Variants in GLI2 observed in about 807,000 individuals in gnomAD.
GLI2 encodes transcription activator GLI2.
GLI2 carries 22 observed loss-of-function variants against 78.9 expected under a neutral mutation model. That is an observed-to-expected ratio of 0.28 (90% CI 0.20 to 0.40). The LOEUF (loss-of-function observed/expected upper bound fraction) is 0.40. Among genes scored for constraint, GLI2 ranks in the 10% least tolerant of loss-of-function variants. The pLI, the probability that GLI2 is intolerant of heterozygous loss-of-function variation, is 1.00. For synonymous variants in GLI2, 974 were observed against 963.7 expected (o/e 1.01, Z -0.20); for missense variants, 2,097 against 2,213.2 (o/e 0.95, Z 1.05).
At position 120,772,182 on chromosome 2, in the gene GLI2, G is replaced by T. The variant is rs79157598; in HGVS notation, c.-30-25109G>T. Reference sequence around the variant, plus strand: ...GGCTGCTGGGAGAAGCACTGTGATTGATTAGCAATGCCTGCCTTGGACCAG... The same window carrying T: ...GGCTGCTGGGAGAAGCACTGTGATTTATTAGCAATGCCTGCCTTGGACCAG... On this transcript the variant is annotated intron_variant, in intron 1 of 13. Transcript: ENST00000361492. Among the ~76,000 whole-genome samples, 507 of 152,240 alleles carry T rather than the reference G, an allele frequency of 3.3e-3. 24 individuals carry two copies. The East Asian group carries it at 0.074, about 22-fold the overall frequency.
rs1192171412 is a variant in GLI2 at position 120,962,152 on chromosome 2, G to T, written c.644-6562G>T. Among the ~76,000 whole-genome samples, 3 of 152,190 alleles carry T rather than the reference G, an allele frequency of 2.0e-5. No individual in the cohort carries two copies. The East Asian group carries it at 5.8e-4, about 29-fold the overall frequency. On this transcript the variant is annotated intron_variant, in intron 5 of 13. Transcript: ENST00000361492. Reference sequence around the variant, plus strand: ...CTTCTGCATGAGACAACCAGTGATTGGCTCAAAGCTACCCAGTTCAGAGTG... The same window carrying T: ...CTTCTGCATGAGACAACCAGTGATTTGCTCAAAGCTACCCAGTTCAGAGTG...
chr2:120,869,128 G>T (rs1483383999), intron 2 of GLI2, among the ~76,000 whole-genome samples: 1 of 151,924 alleles, frequency 6.6e-6, no homozygotes, highest in Non-Finnish European at 1.5e-5. Context: ...GGTCACAGAG[G>T]AGACCATTTC....
rs767164238 is a variant in GLI2 at position 120,988,475 on chromosome 2, C to A, written c.2510C>A (p.Ser837Tyr). ...CCGCACAACGCGAGCTCCGCTGACT[C>A]CTACGACCCCATCTCCACGGACGCG... Reference protein sequence around the residue: ...GRPHNASSADSYDPISTDASR... With the variant: ...GRPHNASSADYYDPISTDASR... The change falls in exon 14 of 14, where the codon TCC becomes TAC. Residue 837 changes from serine to tyrosine, a missense_variant. Around this residue, in one of 5 missense-constraint regions of GLI2, gnomAD observed 1,290 missense variants for 1,261.7 expected, o/e 1.02. Coordinates refer to ENST00000361492, the MANE Select transcript of GLI2 (RefSeq NM_001374353.1). 3.8e-6 allele frequency: 6 copies of A among 1,561,696 alleles called. No homozygotes were observed. The South Asian group carries it at 7.0e-5, about 18-fold the overall frequency.
In GLI2 at chr2:120,800,075, G is replaced by T. The variant is rs1684622335; in HGVS notation, c.148+2607G>T. Among the ~76,000 whole-genome samples, 1 of 152,200 alleles carries T rather than the reference G, an allele frequency of 6.6e-6. No individual in the cohort carries two copies. Among genetic ancestry groups the T allele is most frequent in the African/African-American group, 2.4e-5 (1 of 41,438 alleles). On this transcript the variant is annotated intron_variant, in intron 2 of 13. Coordinates refer to ENST00000361492, the MANE Select transcript of GLI2 (RefSeq NM_001374353.1). The surrounding 1 kb of genome is among the most constrained non-coding windows in gnomAD (Gnocchi z 4.1). ...AAGTCTTCATGGGCCAGAAGCGTTT[G>T]CTGCAGCCACTGAGGAGTTGGGCAC...
intron 2 of GLI2, among the ~76,000 whole-genome samples, chr2:120,909,103 G>A (rs1663357664): frequency 6.6e-6 from 1 of 152,152 alleles, no homozygotes; most frequent in African/African-American, 2.4e-5. Flanking sequence ...GCCACCAGAA[G>A]CCATAGGATT....
intron 8 of GLI2, 96 bp downstream of exon 8, chr2:120,972,159 T>TGGCTG (rs1682216037): frequency 7.2e-7 from 1 of 1,392,128 alleles, no homozygotes; most frequent in Non-Finnish European, 1.0e-6. Flanking sequence ...GATGGCTGGC[T>TGGCTG]GGCTGCCTGC....
chr2:120,908,256 G>A (rs1478957262), intron 2 of GLI2, among the ~76,000 whole-genome samples: 1 of 152,212 alleles, frequency 6.6e-6, no homozygotes, highest in African/African-American at 2.4e-5. Flanking sequence ...CCTGAGTGGG[G>A]CTGGCCATTG....
intron 2 of GLI2, among the ~76,000 whole-genome samples, chr2:120,856,369 C>G (rs1687644054): frequency 6.6e-6 from 1 of 152,190 alleles, no homozygotes; most frequent in African/African-American, 2.4e-5. Flanking sequence ...CCTTCTAGCT[C>G]CTTCCTGTGG....
intron 2 of GLI2, among the ~76,000 whole-genome samples, chr2:120,891,939 G>A (rs1007158474): frequency 6.6e-6 from 1 of 152,176 alleles, no homozygotes; most frequent in Non-Finnish European, 1.5e-5. Flanking sequence ...TGTGACCAAT[G>A]CCAGTCTTCA....
chr2:120,963,480 A>ATGTGTCTCCACCTGGGGTG (rs373559363), intron 5 of GLI2, among the ~76,000 whole-genome samples: 4,187 of 151,524 alleles, frequency 0.028, 200 homozygotes, highest in African/African-American at 0.097. Flanking sequence ...CACCTGGGGT[A>ATGTGTCTCCACCTGGGGTG]TGTGTCTCCA....
intron 2 of GLI2, among the ~76,000 whole-genome samples, chr2:120,902,844 T>C (rs977051290): frequency 2.0e-5 from 3 of 152,222 alleles, no homozygotes; most frequent in African/African-American, 7.2e-5. Flanking sequence ...CCTGGGCTTC[T>C]TTAGGCTCCC....
chr2:120,791,169 C>T (rs181505316), intron 1 of GLI2, among the ~76,000 whole-genome samples: 15 of 152,302 alleles, frequency 9.8e-5, no homozygotes, highest in Middle Eastern at 3.4e-3. Flanking sequence ...ATTATTTTGC[C>T]GCTGGCAGTA....
Position 120,814,181 on chromosome 2 carries a change from A to G in GLI2, c.148+16713A>G, listed in dbSNP as rs143622321. 3.8e-3 allele frequency among the ~76,000 whole-genome samples: 571 copies of G among 152,192 alleles called. 5 individuals carry two copies. Among genetic ancestry groups the G allele is most frequent in the African/African-American group, 0.013 (551 of 41,500 alleles). On this transcript the variant is annotated intron_variant, in intron 2 of 13. Transcript: ENST00000361492. ...CAGCTGGGCAAAGTGGGCTTTGGAG[A>G]CAGAAAACCCTCAGTTAACCACGGT...
chr2:120,835,695 G>A (rs1421761546), intron 2 of GLI2, among the ~76,000 whole-genome samples: 2 of 152,022 alleles, frequency 1.3e-5, no homozygotes, highest in Non-Finnish European at 2.9e-5. Context: ...CAGACTATCT[G>A]TTTTGACCTT....
intron 2 of GLI2, among the ~76,000 whole-genome samples, chr2:120,901,525 C>T (rs992907274): frequency 1.3e-5 from 2 of 152,214 alleles, no homozygotes; most frequent in Non-Finnish European, 2.9e-5. Flanking sequence ...GCCCCAGCCC[C>T]CAGCCAGGCC....
Position 120,986,626 on chromosome 2 carries a change from C to T in GLI2, c.2242+12C>T. ...CCTCCCGGGAAGTGGTGAGTAAAGGCCTGGGGTTTGCAGATGGGGCAGAAG... is the reference window on the plus strand; with the variant it reads ...CCTCCCGGGAAGTGGTGAGTAAAGGTCTGGGGTTTGCAGATGGGGCAGAAG... On this transcript the variant is annotated intron_variant, in intron 13 of 13. Transcript: ENST00000361492. 2.5e-6 allele frequency: 4 copies of T among 1,611,756 alleles called. No homozygotes were observed. The highest frequency in any genetic ancestry group is 3.4e-6 in the Non-Finnish European group (4 of 1,178,186).
Position 120,988,359 on chromosome 2 carries a change from G to A in GLI2, c.2394G>A (p.Ser798=), listed in dbSNP as rs774426934. 9 of 1,571,908 alleles carry A rather than the reference G, an allele frequency of 5.7e-6. No homozygotes were observed. The highest frequency in any genetic ancestry group is 7.7e-6 in the Non-Finnish European group (9 of 1,167,844). ...RRDSSTSTVS[S]AYTVSRRSSG... is the part of the protein sequence containing the mutation. ...ACAGCTCCACCAGCACGGTCAGCTC[G>A]GCCTACACCGTGAGCCGCCGCTCCT... Residue 798 remains serine (S), a synonymous_variant, in exon 14 of 14, where the codon TCG becomes TCA. Transcript: ENST00000361492.
rs765733921 is a variant in GLI2 at position 120,988,616 on chromosome 2, C to A, written c.2651C>A (p.Pro884Gln). Residue 884 changes from proline to glutamine, a missense_variant, in exon 14 of 14, where the codon CCG becomes CAG. Pro to Gln is a moderately conservative substitution (Grantham distance 76). Around this residue, in one of 5 missense-constraint regions of GLI2, gnomAD observed 1,290 missense variants for 1,261.7 expected, o/e 1.02. Coordinates refer to ENST00000361492, the MANE Select transcript of GLI2 (RefSeq NM_001374353.1). ...TACGCGGCAGCCACTGGCGGCCCCC[C>A]GCCCACTCCGCTGCCGGGCCTGGAG... ...AKYAAATGGPPPTPLPGLERM... is the reference protein window; with the variant it reads ...AKYAAATGGPQPTPLPGLERM... The A allele has an allele frequency of 5.5e-6, 8 of 1,463,658 alleles. No homozygotes were observed. The highest frequency in any genetic ancestry group is 1.3e-5 in the South Asian group (1 of 77,734). The allele number at this position is 1,463,658 out of a possible 1,614,324, so 90.7% of individuals were successfully genotyped here.
intron 2 of GLI2, among the ~76,000 whole-genome samples, chr2:120,815,514 C>T (rs1323537229): frequency 6.6e-6 from 1 of 152,222 alleles, no homozygotes; most frequent in African/African-American, 2.4e-5. Context: ...GTGGCTCAGC[C>T]GTCTTGCTGT....
Sources: allele counts gnomAD v4.1 joint callset (sites outside exome capture counted in the v4.1 genomes callset), GRCh38; gene constraint gnomAD v4.1.1; regional missense constraint gnomAD v4.1.1; non-coding constraint Gnocchi (gnomAD v3.1); transcripts MANE v1.5; gene names NCBI Gene and HGNC (gene_info 2026-07-23, HGNC 2026-07-21).